The following RORA variants were observed in gnomAD, a reference collection of about 807,000 sequenced individuals.
RORA encodes nuclear receptor ROR-alpha.
RORA carries 7 observed loss-of-function variants against 69.5 expected under a neutral mutation model. The ratio of observed to expected loss-of-function variants is 0.10; its 90% CI spans 0.06 to 0.19. RORA has a LOEUF of 0.19. RORA is among the 10% of genes least tolerant of loss of function. The pLI, the probability that RORA is intolerant of heterozygous loss-of-function variation, is 1.00. For missense variants in RORA, 457 were observed against 663.0 expected, an observed-to-expected ratio of 0.69 and a Z score of 3.41; for synonymous variants, 261 against 240.8, an observed-to-expected ratio of 1.08 and a Z score of -0.78.
At chr15:60,677,921 C>G (rs949624985) in intron 2 of RORA, among the ~76,000 whole-genome samples, 1 of 152,186 alleles carries the variant, frequency 6.6e-6, no homozygotes, top group African/African-American at 2.4e-5. Flanking sequence ...ATATGCTGGT[C>G]AATTACAGTG....
intron 1 of RORA, among the ~76,000 whole-genome samples, chr15:60,839,468 C>A (rs1366924618): frequency 1.3e-5 from 2 of 152,156 alleles, no homozygotes; most frequent in Non-Finnish European, 2.9e-5. Context: ...CCTAATATCT[C>A]CTAGGAAGCT....
intron 1 of RORA, among the ~76,000 whole-genome samples, chr15:61,219,437 C>T (rs942767626): frequency 7.2e-5 from 11 of 152,064 alleles, no homozygotes; most frequent in Admixed American, 4.6e-4. Flanking sequence ...CATCTGGGCG[C>T]GGTGGCTGGC....
chr15:60,513,866 G>T (rs920837216), intron 4 of RORA, among the ~76,000 whole-genome samples: 1 of 152,188 alleles, frequency 6.6e-6, no homozygotes, highest in Admixed American at 6.6e-5. Context: ...TTCCTTCAAA[G>T]GGATCTCTTA....
chr15:60,509,466 CAG>C (rs2065621003), intron 5 of RORA, among the ~76,000 whole-genome samples: 1 of 152,212 alleles, frequency 6.6e-6, no homozygotes, highest in African/African-American at 2.4e-5. Context: ...CCGGGAGCCT[CAG>C]GGAATCGGCT....
intron 1 of RORA, among the ~76,000 whole-genome samples, chr15:60,993,390 G>A (rs1286320115): frequency 6.6e-6 from 1 of 152,016 alleles, no homozygotes; most frequent in African/African-American, 2.4e-5. Context: ...TGTAATCCCA[G>A]CACTTTGAGA....
Position 60,874,608 on chromosome 15 carries a change from A to G in RORA, c.167-195922T>C, listed in dbSNP as rs921660276. Among the ~76,000 whole-genome samples, 76 of 152,332 alleles carry G rather than the reference A, an allele frequency of 5.0e-4. 1 individual carries two copies. The highest frequency in any genetic ancestry group is 2.2e-4 in the Non-Finnish European group (15 of 68,024). On this transcript the variant is annotated intron_variant, in intron 1 of 10. Coordinates refer to ENST00000335670, the MANE Select transcript of RORA (RefSeq NM_134261.3). ...TGGGGCCTGATTTAGCATGTAGGCC[A>G]TTGTTTGCTAACTCCTATTCCAGCG...
At chr15:60,555,799 G>T (rs1329966923) in intron 2 of RORA, among the ~76,000 whole-genome samples, 1 of 151,890 alleles carries the variant, frequency 6.6e-6, no homozygotes, top group Non-Finnish European at 1.5e-5. Flanking sequence ...CATCTGTTGA[G>T]CAAAATGACT....
chr15:61,017,290 C>T (rs1434789623), intron 1 of RORA, among the ~76,000 whole-genome samples: 1 of 152,198 alleles, frequency 6.6e-6, no homozygotes, highest in Non-Finnish European at 1.5e-5. Context: ...AAAATATTTG[C>T]TGTCAACGGT....
At chr15:61,155,638 T>C (rs745553879) in intron 1 of RORA, among the ~76,000 whole-genome samples, 8 of 152,176 alleles carry the variant, frequency 5.3e-5, no homozygotes, top group Non-Finnish European at 1.2e-4. Flanking sequence ...ATGGGAAAGA[T>C]TAAGCAAAAT....
intron 1 of RORA, among the ~76,000 whole-genome samples, chr15:60,744,157 T>G (rs755336902): frequency 6.6e-6 from 1 of 151,062 alleles, no homozygotes; most frequent in Non-Finnish European, 1.5e-5. Flanking sequence ...TTTGAGGAGA[T>G]AGATAGATAA....
chr15:61,091,620 G>C (rs2078708403), intron 1 of RORA, among the ~76,000 whole-genome samples: 1 of 152,202 alleles, frequency 6.6e-6, no homozygotes, highest in South Asian at 2.1e-4. Flanking sequence ...CAGTCAGCCA[G>C]CCTTAATAGA....
At chr15:60,851,715 TGTGTGTGTGAGAGAGA>T (rs2073326333) in intron 1 of RORA, among the ~76,000 whole-genome samples, 1 of 151,752 alleles carries the variant, frequency 6.6e-6, no homozygotes, top group Non-Finnish European at 1.5e-5. Flanking sequence ...TATGTGTGTG[TGTGTGTGTGAGAGAGA>T]GTGTGTGTGT....
At chr15:60,601,031 C>G (rs1011792239) in intron 2 of RORA, 1 of 152,152 alleles carries the variant, frequency 6.6e-6, no homozygotes, top group Non-Finnish European at 1.5e-5. Context: ...GGCCAATAAC[C>G]GGTGGAACCA....
At chr15:60,949,054 C>G (rs1051387000) in intron 1 of RORA, among the ~76,000 whole-genome samples, 10 of 152,146 alleles carry the variant, frequency 6.6e-5, no homozygotes, top group African/African-American at 2.2e-4. Flanking sequence ...CTAAGGTGTG[C>G]TGGAGTGATG....
chr15:60,998,554 C>T (rs936660401), intron 1 of RORA, among the ~76,000 whole-genome samples: 5 of 152,184 alleles, frequency 3.3e-5, no homozygotes, highest in African/African-American at 9.6e-5. Context: ...CATGCCACCA[C>T]GCCCAGATAA....
At chr15:60,637,301 TAATGA>T (rs755165750) in intron 2 of RORA, among the ~76,000 whole-genome samples, 2 of 152,174 alleles carry the variant, frequency 1.3e-5, no homozygotes, top group Non-Finnish European at 2.9e-5. Context: ...GTTTACAGAC[TAATGA>T]AACACATTAT....
chr15:60,591,760 C>A (rs1007058959), intron 2 of RORA, among the ~76,000 whole-genome samples: 1 of 152,152 alleles, frequency 6.6e-6, no homozygotes, highest in Admixed American at 6.5e-5. Context: ...GCGCCCGTCT[C>A]GCTCCGGCCC....
intron 1 of RORA, among the ~76,000 whole-genome samples, chr15:60,945,909 C>G (rs908114680): frequency 6.6e-6 from 1 of 152,190 alleles, no homozygotes; most frequent in Admixed American, 6.5e-5. Flanking sequence ...CTTTTTCACA[C>G]AGGTGATGAT....
intron 1 of RORA, among the ~76,000 whole-genome samples, chr15:61,121,602 T>C (rs1336897892): frequency 1.3e-5 from 2 of 152,120 alleles, no homozygotes; most frequent in East Asian, 1.9e-4. Flanking sequence ...AAATCTGTCA[T>C]GGCGAGGGCA....
Sources: gnomAD v4.1 joint callset for allele counts (sites outside exome capture counted in the v4.1 genomes callset) on GRCh38, gnomAD v4.1.1 for gene constraint, MANE v1.5 for transcripts, NCBI Gene and HGNC (gene_info 2026-07-23, HGNC 2026-07-21) for gene names.